Variants in NCS1 observed in about 807,000 individuals in gnomAD.
NCS1 encodes frequenin homolog.
A neutral mutation model predicts 28.4 loss-of-function variants in NCS1; 6 were observed. That is an observed-to-expected ratio of 0.21 (90% CI 0.12 to 0.42). The LOEUF (loss-of-function observed/expected upper bound fraction) is 0.42, where lower values mean the gene tolerates loss of function less well. Ranked by LOEUF, NCS1 falls within the 10% of genes least tolerant of loss-of-function variation. NCS1 has a pLI of 1.00. For synonymous variants in NCS1, 86 were observed against 99.3 expected, an observed-to-expected ratio of 0.87 and a Z score of 0.79; for missense variants, 131 against 241.4, an observed-to-expected ratio of 0.54 and a Z score of 3.03.
chr9:130,192,347 A>G lies in NCS1; in HGVS notation c.65-8611A>G, dbSNP rs2131127919. Among the ~76,000 whole-genome samples the G allele has an allele frequency of 6.6e-6, 1 of 152,068 alleles. No homozygotes were observed. Among genetic ancestry groups the G allele is most frequent in the Middle Eastern group, 3.4e-3 (1 of 294 alleles). ...CGCCCTTGTCCAAGGTCGAGGGTTA[A>G]TGAGTCTGGGGCCCGGCCACGTTGT... is the stretch of plus-strand genomic sequence containing the variant. On this transcript the variant is annotated intron_variant, in intron 1 of 7. Transcript: ENST00000372398. This position sits in a 1 kb window ranked among gnomAD's most constrained non-coding sequence, Gnocchi z 4.8.
chr9:130,199,949 A>G (rs1564707310), intron 1 of NCS1, among the ~76,000 whole-genome samples: 1 of 151,624 alleles, frequency 6.6e-6, no homozygotes, highest in African/African-American at 2.4e-5. Context: ...TATTGAGCAC[A>G]TTTGAGGGCC....
chr9:130,189,837 G>A (rs376000617), intron 1 of NCS1, among the ~76,000 whole-genome samples: 1 of 115,122 alleles, frequency 8.7e-6, no homozygotes, highest in East Asian at 2.4e-4. Flanking sequence ...GGGTGACAGA[G>A]CTAGAAGATA....
At chr9:130,200,309 G>C (rs1832924090) in intron 1 of NCS1, 1 of 494,788 alleles carries the variant, frequency 2.0e-6, no homozygotes, top group African/African-American at 1.9e-5. Context: ...ATTTTTGTTT[G>C]TTTCATGGCT....
chr9:130,234,048 G>C lies in NCS1; in HGVS notation c.*1076G>C, dbSNP rs1473251006. The C allele has an allele frequency of 6.6e-6, 1 of 152,178 alleles. No homozygotes were observed. The highest frequency in any genetic ancestry group is 1.5e-5 in the Non-Finnish European group (1 of 68,046). The allele number at this position is 152,178 out of a possible 1,614,324, so 9.4% of individuals were successfully genotyped here. On this transcript the variant is annotated 3_prime_UTR_variant, in exon 8 of 8. Coordinates refer to ENST00000372398, the MANE Select transcript of NCS1 (RefSeq NM_014286.4). This position sits in a 1 kb window ranked among gnomAD's most constrained non-coding sequence, Gnocchi z 6.1. ...CAGCATGGAAAACAGGGCGCCTAAG[G>C]CTGGGAGCTGGAAGAAGGGGCATTG...
chr9:130,226,109 G>C lies in NCS1; in HGVS notation c.475-280G>C, dbSNP rs2131159590. On this transcript the variant is annotated intron_variant, in intron 6 of 7. Transcript: ENST00000372398. This position sits in a 1 kb window ranked among gnomAD's most constrained non-coding sequence, Gnocchi z 4.8. ...TGGAGTTACAGGGCACTTCCAGTTG[G>C]TCAAGCACAGAGCTGTCACCCGAGT... 6.6e-6 allele frequency among the ~76,000 whole-genome samples: 1 copy of C among 152,328 alleles called. No homozygotes were observed. Among genetic ancestry groups the C allele is most frequent in the Non-Finnish European group, 1.5e-5 (1 of 68,036 alleles).
In NCS1 at chr9:130,200,297, G is replaced by C. The variant is rs144224940; in HGVS notation, c.65-661G>C. The C allele has an allele frequency of 5.2e-4, 245 of 467,038 alleles. 3 individuals carry two copies. Among genetic ancestry groups the C allele is most frequent in the African/African-American group, 4.6e-3 (235 of 51,346 alleles). The allele number at this position is 467,038 out of a possible 1,614,324, so 28.9% of individuals were successfully genotyped here. A position where few individuals can be genotyped will look rare whatever the true frequency, so the allele number is the denominator to read the frequency against. On this transcript the variant is annotated intron_variant, in intron 1 of 7. Transcript: ENST00000372398. The stretch of plus-strand genomic sequence containing the variant: ...AACGATTCTGTACTTTTCAGAAAAA[G>C]CATTTTTGTTTGTTTCATGGCTCAG...
chr9:130,173,634 A>C (rs3780707), intron 1 of NCS1, among the ~76,000 whole-genome samples: 39,620 of 151,916 alleles, frequency 0.26, 7,472 homozygotes, highest in East Asian at 0.6. Flanking sequence ...GTCTGGAAGG[A>C]CCTCTGCCTG....
chr9:130,183,757 CTCTT>C (rs1832702429), intron 1 of NCS1, among the ~76,000 whole-genome samples: 1 of 146,790 alleles, frequency 6.8e-6, no homozygotes, highest in African/African-American at 2.5e-5. Flanking sequence ...CTTTCTCTTT[CTCTT>C]TCTCTTTTCC....
intron 2 of NCS1, among the ~76,000 whole-genome samples, chr9:130,214,137 G>A (rs533945396): frequency 1.3e-5 from 2 of 152,340 alleles, no homozygotes; most frequent in East Asian, 3.9e-4. Context: ...TCCGGTGGGG[G>A]ACTGGCGTGG....
chr9:130,173,749 G>A (rs1554904342), intron 1 of NCS1, among the ~76,000 whole-genome samples: 2 of 152,188 alleles, frequency 1.3e-5, no homozygotes, highest in African/African-American at 4.8e-5. Flanking sequence ...ACCCCTGGAG[G>A]CAGCAGCTTG....
At chr9:130,172,873 C>G (rs1832504677) in intron 1 of NCS1, 146 bp downstream of exon 1, 1 of 366,720 alleles carries the variant, frequency 2.7e-6, no homozygotes, top group African/African-American at 2.2e-5. Context: ...GTGGACCCCT[C>G]GGAGGTTCCC....
intron 1 of NCS1, among the ~76,000 whole-genome samples, chr9:130,176,182 C>CTTTCTTTCT (rs1564700778): frequency 1.6e-5 from 1 of 61,092 alleles, no homozygotes; most frequent in African/African-American, 1.7e-4. Context: ...TTCTTTCTTT[C>CTTTCTTTCT]TTTCTTTCTT....
At chr9:130,194,551 T>C (rs1832855739) in intron 1 of NCS1, among the ~76,000 whole-genome samples, 1 of 152,156 alleles carries the variant, frequency 6.6e-6, no homozygotes, top group Non-Finnish European at 1.5e-5. Flanking sequence ...TCGGCTCTGA[T>C]TTCTCCATCC....
chr9:130,185,308 A>G (rs1352590611), intron 1 of NCS1, among the ~76,000 whole-genome samples: 1 of 152,234 alleles, frequency 6.6e-6, no homozygotes, highest in Non-Finnish European at 1.5e-5. Flanking sequence ...GCCTGTGCAT[A>G]TTGTTGGAAT....
chr9:130,235,069 C>T lies in NCS1; in HGVS notation c.*2097C>T, dbSNP rs782470172. On this transcript the variant is annotated 3_prime_UTR_variant, in exon 8 of 8. Transcript: ENST00000372398. ...GCATTCAGCCAACCCCAGCGTCCCC[C>T]CTGAGGCGTTCATTGGCAGCCCCCT... The T allele has an allele frequency of 2.0e-5, 3 of 152,354 alleles. No individual in the cohort carries two copies. The highest frequency in any genetic ancestry group is 4.4e-5 in the Non-Finnish European group (3 of 68,194). The allele number at this position is 152,354 out of a possible 1,614,324, so 9.4% of individuals were successfully genotyped here.
chr9:130,231,409 GTC>G (rs1833500211), intron 7 of NCS1, among the ~76,000 whole-genome samples: 1 of 151,826 alleles, frequency 6.6e-6, no homozygotes, highest in African/African-American at 2.4e-5. Context: ...TTGAGGTGGA[GTC>G]TCACTCTTTT....
In NCS1 at chr9:130,196,529, A is replaced by G. The variant is rs527556783; in HGVS notation, c.65-4429A>G. Among the ~76,000 whole-genome samples, 6 of 152,356 alleles carry G rather than the reference A, an allele frequency of 3.9e-5. No individual in the cohort carries two copies. In the South Asian group the frequency reaches 1.2e-3, roughly 32 times the overall value. On this transcript the variant is annotated intron_variant, in intron 1 of 7. Coordinates refer to ENST00000372398, the MANE Select transcript of NCS1 (RefSeq NM_014286.4). ...CGAGGCGGATGGAACACTTGAGGTC[A>G]GGAGTTCGGGACCAGCCTGGCCAGC...
rs1554909995 is a variant in NCS1 at position 130,219,902 on chromosome 9, C to A, written c.307+99C>A. On this transcript the variant is annotated intron_variant, in intron 4 of 7. Coordinates refer to ENST00000372398, the MANE Select transcript of NCS1 (RefSeq NM_014286.4). The surrounding 1 kb of genome is among the most constrained non-coding windows in gnomAD (Gnocchi z 5.7). ...TCACCAGGCAGGGGTGCCAGACACCCACTGCAGTGACCACAGATGGCGTCC... is the reference window on the plus strand; with the variant it reads ...TCACCAGGCAGGGGTGCCAGACACCAACTGCAGTGACCACAGATGGCGTCC... 44 of 1,266,400 alleles carry A rather than the reference C, an allele frequency of 3.5e-5. No individual in the cohort carries two copies. The South Asian group carries it at 4.9e-4, about 14-fold the overall frequency. The allele number at this position is 1,266,400 out of a possible 1,614,324, so 78.4% of individuals were successfully genotyped here.
At chr9:130,227,822 T>C (rs1554911606) in intron 7 of NCS1, among the ~76,000 whole-genome samples, 1 of 152,218 alleles carries the variant, frequency 6.6e-6, no homozygotes, top group African/African-American at 2.4e-5. Context: ...TCAAGGACTC[T>C]CAGGAGTATG....
Sources: allele counts gnomAD v4.1 joint callset (sites outside exome capture counted in the v4.1 genomes callset), GRCh38; gene constraint gnomAD v4.1.1; non-coding constraint Gnocchi (gnomAD v3.1); transcripts MANE v1.5; gene names NCBI Gene and HGNC (gene_info 2026-07-23, HGNC 2026-07-21).